The following ATP6V1E1 variants were observed in gnomAD, a reference collection of about 807,000 sequenced individuals.
ATP6V1E1 encodes V-type proton ATPase subunit E 1.
In ATP6V1E1, 21 loss-of-function variants were observed where a neutral mutation model predicts 35.2. The ratio of observed to expected loss-of-function variants is 0.60; its 90% CI spans 0.42 to 0.86. ATP6V1E1 has a LOEUF of 0.86. Ranked by LOEUF, ATP6V1E1 falls within the 40% of genes least tolerant of loss-of-function variation. ATP6V1E1 has a pLI of 0.00. For synonymous variants in ATP6V1E1, 83 were observed against 87.8 expected, an observed-to-expected ratio of 0.95 and a Z score of 0.30; for missense variants, 183 against 272.6, an observed-to-expected ratio of 0.67 and a Z score of 2.32.
chr22:17,599,908 AGAGT>A, intron 6 of ATP6V1E1, 115 bp downstream of exon 6: 1 of 792,598 alleles, frequency 1.3e-6, no homozygotes, highest in South Asian at 1.8e-5. Flanking sequence ...CCTGGACAAC[AGAGT>A]GAGACTCCAC....
At chr22:17,616,679 C>CA (rs374090230) in intron 2 of ATP6V1E1, among the ~76,000 whole-genome samples, 1,073 of 52,506 alleles carry the variant, frequency 0.02, 32 homozygotes, top group African/African-American at 0.061. Context: ...AACTCCGGCT[C>CA]AAAAAAAAAA....
chr22:17,604,544 G>T (rs2057775974), intron 4 of ATP6V1E1, among the ~76,000 whole-genome samples: 1 of 124,414 alleles, frequency 8.0e-6, no homozygotes, highest in Admixed American at 7.8e-5. Flanking sequence ...TTTTGAGACG[G>T]AGTCTCGCTT....
intron 6 of ATP6V1E1, 66 bp downstream of exon 6, chr22:17,599,961 G>GA: frequency 8.8e-7 from 1 of 1,139,430 alleles, no homozygotes; most frequent in Non-Finnish European, 1.2e-6. Flanking sequence ...GGAAAAGAAA[G>GA]AGAGAGGGGA....
chr22:17,594,690 C>T (rs2057722410), intron 7 of ATP6V1E1, 74 bp from the exon 8 acceptor site: 2 of 1,243,652 alleles, frequency 1.6e-6, no homozygotes, highest in Non-Finnish European at 2.2e-6. Flanking sequence ...TTTACTCCCG[C>T]AGAGGAATGC....
At position 17,619,532 on chromosome 22, in the gene ATP6V1E1, A is replaced by T; in HGVS notation, c.34-6T>A. 1.3e-6 allele frequency: 2 copies of T among 1,570,860 alleles called. No homozygotes were observed. The highest frequency in any genetic ancestry group is 1.7e-6 in the Non-Finnish European group (2 of 1,162,384). On this transcript the variant is annotated splice_polypyrimidine_tract_variant and splice_region_variant and intron_variant, in intron 1 of 8. Coordinates refer to ENST00000253413, the MANE Select transcript of ATP6V1E1 (RefSeq NM_001696.4). ...AAAGCCATCATATGCTTTATCTATAAGGAAAAAAAGTTTTATTTTTTAGTT... is the reference window on the plus strand; with the variant it reads ...AAAGCCATCATATGCTTTATCTATATGGAAAAAAAGTTTTATTTTTTAGTT...
chr22:17,625,362 G>A (rs1376128741), intron 1 of ATP6V1E1, among the ~76,000 whole-genome samples: 1 of 152,104 alleles, frequency 6.6e-6, no homozygotes, highest in African/African-American at 2.4e-5. Flanking sequence ...GGGTTCAAGC[G>A]ATTCTCCTGT....
intron 1 of ATP6V1E1, among the ~76,000 whole-genome samples, chr22:17,627,818 CAAAAAAA>C (rs71201846): frequency 3.8e-5 from 4 of 105,122 alleles, no homozygotes; most frequent in African/African-American, 6.7e-5. Flanking sequence ...GACTCCGTCT[CAAAAAAA>C]AAAAAAAGAA....
At chr22:17,604,475 C>A (rs1255428810) in intron 4 of ATP6V1E1, among the ~76,000 whole-genome samples, 1 of 152,104 alleles carries the variant, frequency 6.6e-6, no homozygotes, top group Non-Finnish European at 1.5e-5. Flanking sequence ...CCATATCTCC[C>A]TGGCCCTGCC....
At chr22:17,621,854 G>A (rs1267677817) in intron 1 of ATP6V1E1, among the ~76,000 whole-genome samples, 1 of 151,984 alleles carries the variant, frequency 6.6e-6, no homozygotes, top group East Asian at 1.9e-4. Context: ...CCTCTATCAC[G>A]GCACCTAAAC....
intron 6 of ATP6V1E1, 112 bp downstream of exon 6, chr22:17,599,915 G>A: frequency 1.2e-6 from 1 of 831,634 alleles, no homozygotes; most frequent in Non-Finnish European, 1.9e-6. Flanking sequence ...AACAGAGTGA[G>A]ACTCCACCAA....
At chr22:17,608,785 GA>G (rs1183352034) in intron 4 of ATP6V1E1, among the ~76,000 whole-genome samples, 1 of 152,178 alleles carries the variant, frequency 6.6e-6, no homozygotes, top group Non-Finnish European at 1.5e-5. Flanking sequence ...ATCCTAAGTT[GA>G]AATTAAAACA....
chr22:17,624,232 T>C (rs997965284), intron 1 of ATP6V1E1, among the ~76,000 whole-genome samples: 2 of 152,142 alleles, frequency 1.3e-5, no homozygotes, highest in Non-Finnish European at 2.9e-5. Flanking sequence ...TTATAGGAAA[T>C]AGACAAGATT....
intron 2 of ATP6V1E1, among the ~76,000 whole-genome samples, chr22:17,617,088 T>G (rs2057850196): frequency 6.6e-6 from 1 of 151,694 alleles, no homozygotes. Flanking sequence ...ACTATCACCA[T>G]CAAAACAATA....
chr22:17,628,493 C>G (rs548480151), intron 1 of ATP6V1E1, 110 bp downstream of exon 1: 8 of 1,462,800 alleles, frequency 5.5e-6, no homozygotes, highest in African/African-American at 1.4e-5. Context: ...AGCAAGGGAC[C>G]TTCCTGCGGC....
At chr22:17,614,762 A>T (rs982807385) in intron 2 of ATP6V1E1, among the ~76,000 whole-genome samples, 3 of 150,874 alleles carry the variant, frequency 2.0e-5, no homozygotes, top group African/African-American at 7.3e-5. Flanking sequence ...AGGTCAGGAG[A>T]TCGAGACCAT....
chr22:17,618,052 C>T (rs4819457), intron 2 of ATP6V1E1, among the ~76,000 whole-genome samples: 60,795 of 151,850 alleles, frequency 0.4, 12,452 homozygotes, highest in Admixed American at 0.47. Flanking sequence ...TCAGGTGATC[C>T]GCCTGCCTTG....
chr22:17,595,391 C>T (rs1170116488), intron 7 of ATP6V1E1: 1 of 152,156 alleles, frequency 6.6e-6, no homozygotes, highest in African/African-American at 2.4e-5. Flanking sequence ...TTAATTATCA[C>T]AGCCAGCCCT....
At chr22:17,592,778 G>A (rs372860433) in intron 8 of ATP6V1E1, 42 bp from the exon 9 acceptor site, 5 of 1,332,302 alleles carry the variant, frequency 3.8e-6, no homozygotes, top group Non-Finnish European at 4.3e-6. Context: ...GTCAGCTGAA[G>A]AAGTTGTAGA....
intron 1 of ATP6V1E1, among the ~76,000 whole-genome samples, chr22:17,620,080 G>A (rs1229571651): frequency 2.0e-5 from 3 of 151,202 alleles, no homozygotes; most frequent in South Asian, 2.1e-4. Context: ...CCATCTCCTC[G>A]CCCCTTGATC....
Sources: gnomAD v4.1 joint callset for allele counts (sites outside exome capture counted in the v4.1 genomes callset) on GRCh38, gnomAD v4.1.1 for gene constraint, MANE v1.5 for transcripts, NCBI Gene and HGNC (gene_info 2026-07-23, HGNC 2026-07-21) for gene names.